The following SEH1L variants were observed in gnomAD, a reference collection of about 807,000 sequenced individuals.
The protein encoded by SEH1L is nucleoporin SEH1.
Under a neutral mutation model 49.5 loss-of-function variants are expected in SEH1L, and 18 were observed. The observed-to-expected ratio is 0.36, with a 90% CI of 0.25 to 0.54. The LOEUF (loss-of-function observed/expected upper bound fraction) is 0.54, where lower values mean the gene tolerates loss of function less well. Ranked by LOEUF, SEH1L falls within the 20% of genes least tolerant of loss-of-function variation. The pLI, the probability that SEH1L is intolerant of heterozygous loss-of-function variation, is 0.87. For synonymous variants in SEH1L, 169 were observed against 178.1 expected (o/e 0.95, Z 0.41); for missense variants, 404 against 528.8 (o/e 0.76, Z 2.31).
chr18:12,975,906 C>A (rs927565697), intron 5 of SEH1L: 1 of 982,884 alleles, frequency 1.0e-6, no homozygotes, highest in Non-Finnish European at 1.2e-6. Context: ...TCTGACCTAG[C>A]TGATGGTAGT....
At chr18:12,965,009 C>CTTTTTTTTT (rs138934038) in intron 4 of SEH1L, among the ~76,000 whole-genome samples, 2 of 82,628 alleles carry the variant, frequency 2.4e-5, no homozygotes, top group East Asian at 4.2e-4. Flanking sequence ...TTTCCTCATT[C>CTTTTTTTTT]TTTTTTTTTT....
At chr18:12,964,149 T>C (rs565654150) in intron 4 of SEH1L, among the ~76,000 whole-genome samples, 2 of 152,364 alleles carry the variant, frequency 1.3e-5, no homozygotes, top group Admixed American at 1.3e-4. Context: ...ACTATATGAA[T>C]ATTACCATAG....
At chr18:12,957,066 CA>C (rs398120193) in intron 3 of SEH1L, among the ~76,000 whole-genome samples, 157 of 140,084 alleles carry the variant, frequency 1.1e-3, no homozygotes, top group Admixed American at 1.4e-3. Flanking sequence ...AGACTTGTCT[CA>C]AAAAAAAAAA....
chr18:12,960,565 CAG>C (rs957452745), intron 3 of SEH1L, among the ~76,000 whole-genome samples: 19 of 152,248 alleles, frequency 1.2e-4, no homozygotes, highest in African/African-American at 4.3e-4. Context: ...CAGCTCTTCT[CAG>C]GGGAGGAGTA....
chr18:12,949,769 A>G (rs1246702739), intron 1 of SEH1L, among the ~76,000 whole-genome samples: 1 of 151,954 alleles, frequency 6.6e-6, no homozygotes, highest in African/African-American at 2.4e-5. Context: ...AACCGTTTTA[A>G]AGTGTAGAAT....
At chr18:12,975,766 C>G in intron 5 of SEH1L, 4 of 987,192 alleles carry the variant, frequency 4.1e-6, no homozygotes, top group Non-Finnish European at 4.8e-6. Context: ...GGACTGGGAG[C>G]AGGAACTCAG....
intron 4 of SEH1L, among the ~76,000 whole-genome samples, chr18:12,966,637 A>G (rs1397580996): frequency 1.3e-5 from 2 of 151,964 alleles, no homozygotes; most frequent in African/African-American, 4.8e-5. Flanking sequence ...CCTGGACTCA[A>G]GTAGTTTTCT....
At chr18:12,949,435 G>A (rs1458691317) in intron 1 of SEH1L, among the ~76,000 whole-genome samples, 4 of 111,622 alleles carry the variant, frequency 3.6e-5, no homozygotes. Flanking sequence ...AATAAACTAC[G>A]TTAACCGTTT....
chr18:12,980,549 G>C (rs1391830590), intron 6 of SEH1L, among the ~76,000 whole-genome samples: 10 of 108,734 alleles, frequency 9.2e-5, no homozygotes. Flanking sequence ...CGGACGGGGC[G>C]GCTGGCCGGG....
intron 8 of SEH1L, chr18:12,986,078 C>T (rs565589096): frequency 3.7e-5 from 36 of 984,280 alleles, no homozygotes; most frequent in Non-Finnish European, 4.3e-5. Context: ...TAAGAGAAGC[C>T]ATTAAAATTT....
chr18:12,949,885 C>T (rs2030411680), intron 1 of SEH1L, among the ~76,000 whole-genome samples: 1 of 152,186 alleles, frequency 6.6e-6, no homozygotes, highest in Admixed American at 6.5e-5. Context: ...CAAGAGCACC[C>T]TGTTCCGCCA....
At chr18:12,955,300 T>C (rs556155133) in intron 2 of SEH1L, among the ~76,000 whole-genome samples, 163 bp from the exon 3 acceptor site, 31 of 151,158 alleles carry the variant, frequency 2.1e-4, no homozygotes, top group African/African-American at 7.3e-4. Flanking sequence ...AACTTTTTAT[T>C]TACATGTTAT....
At chr18:12,949,355 CTT>C (rs1221006892) in intron 1 of SEH1L, among the ~76,000 whole-genome samples, 2 of 144,500 alleles carry the variant, frequency 1.4e-5, no homozygotes, top group African/African-American at 5.1e-5. Flanking sequence ...CAAAGATAAA[CTT>C]TTTATAAATA....
intron 6 of SEH1L, among the ~76,000 whole-genome samples, chr18:12,981,850 A>ATTTTTATTTTTTT (rs1463077173): frequency 6.8e-5 from 6 of 88,184 alleles, no homozygotes; most frequent in African/African-American, 2.8e-4. Context: ...TGCCCTGCCC[A>ATTTTTATTTTTTT]TTTTTTTTTT....
intron 6 of SEH1L, among the ~76,000 whole-genome samples, chr18:12,980,177 A>G (rs1438067451): frequency 1.3e-5 from 1 of 74,214 alleles, no homozygotes; most frequent in Non-Finnish European, 2.6e-5. Flanking sequence ...GGCACCCCTC[A>G]CCTCCCGGAT....
rs2030365721 is a variant in SEH1L, at chr18:12,949,452, T to TTTTTTTG, written c.111+1226_111+1227insGTTTTTT. Among the ~76,000 whole-genome samples the TTTTTTTG allele has an allele frequency of 1.3e-4, 15 of 117,522 alleles. 1 individual carries two copies. The highest frequency in any genetic ancestry group is 3.4e-4 in the South Asian group (1 of 2,958). 77.1% of individuals were successfully genotyped at this position (117,522 alleles called of 152,430 possible). A position where few individuals can be genotyped will look rare whatever the true frequency, so the allele number is the denominator to read the frequency against. ...TAAACTACGTTAACCGTTTTTTTTT[T>TTTTTTTG]TTTTTTTTTTTTTTTTTTGAGACGG... On this transcript the variant is annotated intron_variant, in intron 1 of 8. Coordinates refer to ENST00000399892, the MANE Select transcript of SEH1L (RefSeq NM_001013437.2).
intron 3 of SEH1L, 100 bp from the exon 4 acceptor site, chr18:12,963,060 A>T: frequency 1.3e-6 from 1 of 798,892 alleles, no homozygotes; most frequent in Non-Finnish European, 1.9e-6. Context: ...CTAGTGAATG[A>T]TAGAGGAGTT....
In SEH1L at chr18:12,955,498, C is replaced by G; in HGVS notation, c.198C>G (p.Ala66=). 1 of 1,613,842 alleles carries G rather than the reference C, an allele frequency of 6.2e-7. No individual in the cohort carries two copies. The highest frequency in any genetic ancestry group is 1.1e-5 in the South Asian group (1 of 91,068). The change falls in exon 3 of 9, where the codon GCC becomes GCG. Residue 66 remains alanine (A), a synonymous_variant. Transcript: ENST00000399892. The part of the protein sequence containing the change: ...HSGSVWRVTW[A]HPEFGQVLAS... ...GATCTGTATGGCGTGTGACATGGGC[C>G]CATCCTGAATTTGGGCAGGTTTTGG... is the stretch of plus-strand genomic sequence containing the variant.
chr18:12,962,494 G>T (rs2031235119), intron 3 of SEH1L, among the ~76,000 whole-genome samples: 2 of 117,530 alleles, frequency 1.7e-5, no homozygotes, highest in African/African-American at 7.4e-5. Flanking sequence ...TTGAGAGAGG[G>T]TCTTACTCTG....
Sources: gnomAD v4.1 joint callset for allele counts (sites outside exome capture counted in the v4.1 genomes callset) on GRCh38, gnomAD v4.1.1 for gene constraint, MANE v1.5 for transcripts, NCBI Gene and HGNC (gene_info 2026-07-23, HGNC 2026-07-21) for gene names.